The following SREBF2 variants were observed in gnomAD, a reference collection of about 807,000 sequenced individuals.
SREBF2 encodes the protein sterol regulatory element binding transcription factor 2.
SREBF2 carries 55 observed loss-of-function variants against 113.1 expected under a neutral mutation model. That is an observed-to-expected ratio of 0.49 (90% CI 0.39 to 0.61). The LOEUF (loss-of-function observed/expected upper bound fraction) is 0.61. Ranked by LOEUF, SREBF2 falls within the 20% of genes least tolerant of loss-of-function variation. The probability of loss-of-function intolerance (pLI) is 0.00; values close to 1 mark genes in which losing one functional copy is unlikely to be tolerated. For missense variants in SREBF2, 1,349 were observed against 1,487.4 expected, an observed-to-expected ratio of 0.91 and a Z score of 1.53; for synonymous variants, 593 against 605.7, an observed-to-expected ratio of 0.98 and a Z score of 0.31.
intron 11 of SREBF2, among the ~76,000 whole-genome samples, chr22:41,888,912 AT>A: frequency 6.6e-6 from 1 of 152,238 alleles, no homozygotes; most frequent in Non-Finnish European, 1.5e-5. Flanking sequence ...GTACTTTCTT[AT>A]AAAGGAAGAA....
At chr22:41,905,011 G>A in intron 18 of SREBF2, 37 bp downstream of exon 18, 1 of 1,536,530 alleles carries the variant, frequency 6.5e-7, no homozygotes, top group Non-Finnish European at 8.8e-7. Flanking sequence ...GGCTGGGCCA[G>A]GCCCTGCGCC....
rs752442366 is a variant in SREBF2 at position 41,905,524 on chromosome 22, C to T, written c.3290C>T (p.Ser1097Phe). 2.0e-5 allele frequency: 32 copies of T among 1,585,586 alleles called. No homozygotes were observed. Among genetic ancestry groups the T allele is most frequent in the Non-Finnish European group, 2.3e-5 (27 of 1,166,526 alleles). The change falls in exon 19 of 19, where the codon TCC (serine) becomes TTC (phenylalanine). Residue 1097 changes from serine to phenylalanine, a missense_variant. This residue lies in a region of SREBF2 where 650 missense variants were observed against 644.1 expected (regional missense o/e 1.01). Coordinates refer to ENST00000361204, the MANE Select transcript of SREBF2 (RefSeq NM_004599.4). ...CGCCACCTGCCCCTCTCCTTCCTCT[C>T]CTCCCCGGGCCAGCGGGCAGTGCTG... is the stretch of plus-strand genomic sequence containing the variant. Reference protein sequence around the residue: ...ACRHLPLSFLSSPGQRAVLLA... With the variant: ...ACRHLPLSFLFSPGQRAVLLA...
chr22:41,886,682 G>A (rs1382953647), intron 11 of SREBF2, among the ~76,000 whole-genome samples: 1 of 152,102 alleles, frequency 6.6e-6, no homozygotes, highest in African/African-American at 2.4e-5. Context: ...TGTCACTGGA[G>A]TTTAATCTGT....
In SREBF2 at chr22:41,884,895, G is replaced by A. The variant is rs758318118; in HGVS notation, c.2092G>A (p.Val698Met). ...CGATGTACACATGGCGTTGTGTGCC[G>A]TGAACCTGGCTGAATGTGCAGAGGA... Reference protein sequence around the residue: ...CSDVHMALCAVNLAECAEEKI... With the variant: ...CSDVHMALCAMNLAECAEEKI... Residue 698 changes from valine to methionine, a missense_variant, in exon 11 of 19, where the codon GTG (valine) becomes ATG (methionine). Transcript: ENST00000361204. The A allele has an allele frequency of 6.8e-6, 11 of 1,614,192 alleles. No individual in the cohort carries two copies. Among genetic ancestry groups the A allele is most frequent in the South Asian group, 4.4e-5 (4 of 91,074 alleles).
chr22:41,869,700 G>T (rs2077121695), intron 3 of SREBF2, among the ~76,000 whole-genome samples: 1 of 151,118 alleles, frequency 6.6e-6, no homozygotes, highest in South Asian at 2.1e-4. Flanking sequence ...GGCCAGGCTG[G>T]TTTTGAACTC....
At chr22:41,865,151 A>G (rs897732116) in intron 1 of SREBF2, among the ~76,000 whole-genome samples, 1 of 70,696 alleles carries the variant, frequency 1.4e-5, no homozygotes, top group African/African-American at 7.2e-5. Flanking sequence ...CAAAAAACAC[A>G]CACACACACA....
chr22:41,867,321 A>G, intron 2 of SREBF2, 41 bp downstream of exon 2: 2 of 1,602,616 alleles, frequency 1.2e-6, no homozygotes, highest in South Asian at 1.1e-5. Context: ...GTTGGTTCCA[A>G]TGTTTATGTG....
chr22:41,904,590 G>C (rs759627138), intron 17 of SREBF2: 2 of 637,708 alleles, frequency 3.1e-6, no homozygotes, highest in African/African-American at 1.8e-5. Context: ...AGCCCCACGA[G>C]GTGCGTCCAG....
At chr22:41,840,022 C>T (rs1259789624) in intron 1 of SREBF2, among the ~76,000 whole-genome samples, 4 of 143,992 alleles carry the variant, frequency 2.8e-5, no homozygotes, top group Non-Finnish European at 4.5e-5. Flanking sequence ...TGCAGTGGCG[C>T]GGTCTCAGCT....
At position 41,844,128 on chromosome 22, in the gene SREBF2, T is replaced by G. The variant is rs112646925; in HGVS notation, c.88+10770T>G. On this transcript the variant is annotated intron_variant, in intron 1 of 18. Coordinates refer to ENST00000361204, the MANE Select transcript of SREBF2 (RefSeq NM_004599.4). ...TCTGCTCTATGCTGGACACTTAAAG[T>G]GACTTCCCCTGGGTCCTAGGGTACT... is the stretch of plus-strand genomic sequence containing the variant. Among the ~76,000 whole-genome samples the G allele has an allele frequency of 5.3e-5, 8 of 151,820 alleles. 1 individual carries two copies. Among genetic ancestry groups the G allele is most frequent in the African/African-American group, 1.9e-4 (8 of 41,380 alleles).
intron 1 of SREBF2, among the ~76,000 whole-genome samples, chr22:41,852,124 C>T (rs2076938058): frequency 1.3e-5 from 2 of 150,222 alleles, no homozygotes; most frequent in Non-Finnish European, 3.0e-5. Flanking sequence ...CCATCTCAAA[C>T]AAACAAACAA....
At chr22:41,859,799 CTT>C (rs1174473976) in intron 1 of SREBF2, among the ~76,000 whole-genome samples, 909 of 54,278 alleles carry the variant, frequency 0.017, 4 homozygotes, top group South Asian at 0.041. Flanking sequence ...TATGGTGATT[CTT>C]TTTTTTTTTT....
At chr22:41,838,236 A>T (rs1392225772) in intron 1 of SREBF2, among the ~76,000 whole-genome samples, 3 of 152,122 alleles carry the variant, frequency 2.0e-5, no homozygotes, top group Admixed American at 2.0e-4. Flanking sequence ...ATGTGGGAGG[A>T]GTTAGAACAA....
intron 1 of SREBF2, among the ~76,000 whole-genome samples, chr22:41,837,457 C>T (rs1252689893): frequency 6.6e-6 from 1 of 150,698 alleles, no homozygotes; most frequent in Non-Finnish European, 1.5e-5. Flanking sequence ...ACCCAGGAGG[C>T]AGAGACAGGA....
chr22:41,861,961 G>T (rs1445262024), intron 1 of SREBF2, among the ~76,000 whole-genome samples: 1 of 151,610 alleles, frequency 6.6e-6, no homozygotes, highest in African/African-American at 2.4e-5. Context: ...AACACAAGGT[G>T]CATAATAAAT....
At chr22:41,865,976 T>C (rs933102071) in intron 1 of SREBF2, among the ~76,000 whole-genome samples, 5 of 152,166 alleles carry the variant, frequency 3.3e-5, no homozygotes, top group African/African-American at 9.7e-5. Flanking sequence ...CCCTGAGTGT[T>C]TCCAAGAATA....
chr22:41,872,873 A>G (rs1234447729), intron 4 of SREBF2, among the ~76,000 whole-genome samples: 2 of 151,438 alleles, frequency 1.3e-5, no homozygotes, highest in East Asian at 1.9e-4. Flanking sequence ...CTTTTGGGCA[A>G]CAGAGTGAGA....
intron 14 of SREBF2, among the ~76,000 whole-genome samples, chr22:41,897,961 A>G (rs2077430940): frequency 6.6e-6 from 1 of 152,186 alleles, no homozygotes; most frequent in Non-Finnish European, 1.5e-5. Flanking sequence ...TGAAGATACC[A>G]TTCTTTATGG....
At position 41,906,225 on chromosome 22, in the gene SREBF2, T is replaced by C; in HGVS notation, c.*565T>C. The stretch of plus-strand genomic sequence containing the variant: ...GGCCTGACTGAGCCTGCTCATTGTT[T>C]TTCCCTTTATTACACAGGACAGCCA... On this transcript the variant is annotated 3_prime_UTR_variant, in exon 19 of 19. Coordinates refer to ENST00000361204, the MANE Select transcript of SREBF2 (RefSeq NM_004599.4). 2.9e-6 allele frequency: 1 copy of C among 339,216 alleles called. No individual in the cohort carries two copies. Among genetic ancestry groups the C allele is most frequent in the South Asian group, 2.3e-5 (1 of 43,536 alleles). 21.0% of individuals were successfully genotyped at this position (339,216 alleles called of 1,614,324 possible).
Sources: allele counts gnomAD v4.1 joint callset (sites outside exome capture counted in the v4.1 genomes callset), GRCh38; gene constraint gnomAD v4.1.1; regional missense constraint gnomAD v4.1.1; transcripts MANE v1.5; gene names NCBI Gene and HGNC (gene_info 2026-07-23, HGNC 2026-07-21).